ANXA10: variants seen among roughly 807,000 people sequenced by gnomAD.
ANXA10 encodes annexin A10.
ANXA10 carries 49 observed loss-of-function variants against 53.5 expected under a neutral mutation model. That is an observed-to-expected ratio of 0.92 (90% CI 0.73 to 1.16). The LOEUF (loss-of-function observed/expected upper bound fraction) is 1.16, where lower values mean the gene tolerates loss of function less well. ANXA10 is among the 50% of genes most tolerant of loss of function. The pLI, the probability that ANXA10 is intolerant of heterozygous loss-of-function variation, is 0.00. For missense variants in ANXA10, 393 were observed against 394.4 expected (o/e 1.00, Z 0.03); for synonymous variants, 131 against 128.9 (o/e 1.02, Z -0.11).
chr4:168,107,898 T>C (rs1247115722), intron 1 of ANXA10, among the ~76,000 whole-genome samples: 1 of 152,214 alleles, frequency 6.6e-6, no homozygotes, highest in African/African-American at 2.4e-5. Context: ...TTGGGGGACA[T>C]GAACATCCAG....
chr4:168,151,807 CTATAGCACT>C (rs1276196379), intron 3 of ANXA10, among the ~76,000 whole-genome samples: 2 of 152,220 alleles, frequency 1.3e-5, no homozygotes, highest in Non-Finnish European at 2.9e-5. Flanking sequence ...ATTCCCATTA[CTATAGCACT>C]TACCAAATTT....
At chr4:168,158,525 C>T (rs1731727465) in intron 3 of ANXA10, among the ~76,000 whole-genome samples, 1 of 152,102 alleles carries the variant, frequency 6.6e-6, no homozygotes, top group African/African-American at 2.4e-5. Flanking sequence ...TGTTCTGGTA[C>T]TTTCTTCTAG....
chr4:168,114,069 T>C (rs1730851826), intron 1 of ANXA10, among the ~76,000 whole-genome samples: 1 of 152,210 alleles, frequency 6.6e-6, no homozygotes, highest in Non-Finnish European at 1.5e-5. Flanking sequence ...AATTTGGTTA[T>C]TTCTTTTGTA....
chr4:168,125,147 G>A (rs1304007023), intron 1 of ANXA10, among the ~76,000 whole-genome samples: 1 of 152,170 alleles, frequency 6.6e-6, no homozygotes, highest in Non-Finnish European at 1.5e-5. Flanking sequence ...AGAAATGCCT[G>A]AAGACCTTTA....
At chr4:168,115,772 G>A (rs1290531158) in intron 1 of ANXA10, among the ~76,000 whole-genome samples, 2 of 152,158 alleles carry the variant, frequency 1.3e-5, no homozygotes, top group African/African-American at 4.8e-5. Context: ...TACCTGTGTG[G>A]CTTTAAACAA....
intron 2 of ANXA10, among the ~76,000 whole-genome samples, chr4:168,135,724 C>T (rs1024645590): frequency 6.6e-6 from 1 of 152,134 alleles, no homozygotes; most frequent in African/African-American, 2.4e-5. Context: ...GACAGGTTCA[C>T]TCTATCCCTC....
chr4:168,095,638 T>C (rs925689790), intron 1 of ANXA10, among the ~76,000 whole-genome samples: 15 of 152,286 alleles, frequency 9.8e-5, no homozygotes, highest in African/African-American at 2.9e-4. Context: ...TTGGAGGTAC[T>C]AGATATTCTA....
chr4:168,092,962 A>G (rs140762625), intron 1 of ANXA10, among the ~76,000 whole-genome samples: 26 of 152,276 alleles, frequency 1.7e-4, no homozygotes, highest in African/African-American at 5.8e-4. Context: ...ATTATTTGCT[A>G]TGCTTCTGAA....
chr4:168,092,695 A>G lies in ANXA10; in HGVS notation c.-6A>G. On this transcript the variant is annotated 5_prime_UTR_variant, in exon 1 of 12. Transcript: ENST00000359299. ...TTCATCCCTGAGGTTAACAATTACC[A>G]TCAAAATGTTTTGTGGAGACTATGT... The G allele has an allele frequency of 6.3e-7, 1 of 1,593,766 alleles. No homozygotes were observed. The highest frequency in any genetic ancestry group is 8.5e-7 in the Non-Finnish European group (1 of 1,171,268).
intron 1 of ANXA10, among the ~76,000 whole-genome samples, chr4:168,096,086 C>A (rs1289793115): frequency 6.6e-6 from 1 of 152,112 alleles, no homozygotes; most frequent in African/African-American, 2.4e-5. Flanking sequence ...AGGAAAAGCA[C>A]TCCATAAATC....
intron 1 of ANXA10, among the ~76,000 whole-genome samples, chr4:168,108,513 C>T (rs1730752784): frequency 6.6e-6 from 1 of 152,116 alleles, no homozygotes; most frequent in African/African-American, 2.4e-5. Flanking sequence ...TCTTCTCTTG[C>T]CATCTTCTTA....
intron 1 of ANXA10, among the ~76,000 whole-genome samples, chr4:168,121,009 A>G (rs1730977081): frequency 6.6e-6 from 1 of 152,058 alleles, no homozygotes; most frequent in Admixed American, 6.6e-5. Context: ...TTGGCACTTC[A>G]TTCAATATAT....
At chr4:168,179,430 T>C in intron 9 of ANXA10, 118 bp downstream of exon 9, 1 of 697,182 alleles carries the variant, frequency 1.4e-6, no homozygotes. Flanking sequence ...TTCCCTTGAA[T>C]TTAATTTTTT....
At chr4:168,125,726 G>A (rs1322544326) in intron 1 of ANXA10, among the ~76,000 whole-genome samples, 1 of 152,102 alleles carries the variant, frequency 6.6e-6, no homozygotes, top group African/African-American at 2.4e-5. Flanking sequence ...AAATTTTTCT[G>A]TCATTTAAGG....
chr4:168,183,009 G>GAAAAAAA (rs747151480), intron 10 of ANXA10, among the ~76,000 whole-genome samples: 172 of 91,988 alleles, frequency 1.9e-3, no homozygotes, highest in Middle Eastern at 6.9e-3. Flanking sequence ...CACCGTCTCG[G>GAAAAAAA]AAAAAAAAAA....
At chr4:168,155,386 TG>T (rs1421327022) in intron 3 of ANXA10, among the ~76,000 whole-genome samples, 1 of 65,170 alleles carries the variant, frequency 1.5e-5, no homozygotes, top group African/African-American at 7.6e-5. Flanking sequence ...TTATATTGAA[TG>T]TATTATATAT....
At position 168,121,217 on chromosome 4, in the gene ANXA10, A is replaced by AAC. The variant is rs200743011; in HGVS notation, c.19-6853_19-6852dup. ...CATATGTCTTTTATACTCACCAAAA[A>AAC]ACACACACACACACATTCTAACAAG... On this transcript the variant is annotated intron_variant, in intron 1 of 11. Coordinates refer to ENST00000359299, the MANE Select transcript of ANXA10 (RefSeq NM_007193.5). Among the ~76,000 whole-genome samples, 10 of 151,802 alleles carry AAC rather than the reference A, an allele frequency of 6.6e-5. No individual in the cohort carries two copies. In the South Asian group the frequency reaches 8.3e-4, roughly 13 times the overall value.
At chr4:168,169,124 T>A (rs1178940322) in intron 6 of ANXA10, among the ~76,000 whole-genome samples, 4 of 152,172 alleles carry the variant, frequency 2.6e-5, no homozygotes, top group African/African-American at 7.2e-5. Flanking sequence ...GTAACAGAAG[T>A]TGAGGTCATT....
At chr4:168,137,538 A>G (rs924825983) in intron 2 of ANXA10, among the ~76,000 whole-genome samples, 3 of 152,024 alleles carry the variant, frequency 2.0e-5, no homozygotes, top group Non-Finnish European at 2.9e-5. Flanking sequence ...GGTACTTGAC[A>G]TTTTCTGAGT....
Sources: allele counts gnomAD v4.1 joint callset (sites outside exome capture counted in the v4.1 genomes callset), GRCh38; gene constraint gnomAD v4.1.1; transcripts MANE v1.5; gene names NCBI Gene and HGNC (gene_info 2026-07-23, HGNC 2026-07-21).